ZAN: variants seen among roughly 807,000 people sequenced by gnomAD.
ZAN encodes the protein zonadhesin.
Under a neutral mutation model 286.2 loss-of-function variants are expected in ZAN, and 260 were observed. That is an observed-to-expected ratio of 0.91 (90% CI 0.82 to 1.01). The LOEUF is 1.01. Among genes scored for constraint, ZAN ranks in the 50% least tolerant of loss-of-function variants. The probability of loss-of-function intolerance (pLI) is 0.00; values close to 1 mark genes in which losing one functional copy is unlikely to be tolerated. For synonymous variants in ZAN, 1,368 were observed against 1,417.5 expected (o/e 0.97, Z 0.79); for missense variants, 3,410 against 3,639.2 (o/e 0.94, Z 1.62).
chr7:100,740,363 G>A (rs1178666627), intron 7 of ZAN, among the ~76,000 whole-genome samples: 2 of 105,676 alleles, frequency 1.9e-5, no homozygotes. Flanking sequence ...GATTTGGCAG[G>A]GTCATGGGAC....
Position 100,779,565 on chromosome 7 carries a change from G to C in ZAN, c.6437G>C (p.Arg2146Pro), listed in dbSNP as rs752612167. Reference sequence around the variant, plus strand: ...CGGGAAAAGTGCGAGGCAGCGCTCCGGGCTCCTGTGTGGGCCCAGTGCGCC... The same window carrying C: ...CGGGAAAAGTGCGAGGCAGCGCTCCCGGCTCCTGTGTGGGCCCAGTGCGCC... ...RAREKCEAAL[R>P]APVWAQCASR... is the part of the protein sequence containing the mutation. Residue 2146 changes from arginine to proline, a missense_variant, in exon 35 of 48, where the codon CGG (arginine) becomes CCG (proline). Arg to Pro is a moderately radical substitution (Grantham distance 103, BLOSUM62 -2). Transcript: ENST00000613979. 38 of 1,610,280 alleles carry C rather than the reference G, an allele frequency of 2.4e-5. No homozygotes were observed. In the South Asian group the frequency reaches 3.5e-4, roughly 15 times the overall value.
chr7:100,770,429 G>A (rs933920465), intron 28 of ZAN, among the ~76,000 whole-genome samples: 6 of 150,766 alleles, frequency 4.0e-5, no homozygotes, highest in South Asian at 4.2e-4. Flanking sequence ...GCTTTAACCT[G>A]GGAGGCAGAG....
At chr7:100,777,792 C>T (rs1810919634) in intron 34 of ZAN, among the ~76,000 whole-genome samples, 1 of 151,396 alleles carries the variant, frequency 6.6e-6, no homozygotes, top group South Asian at 2.1e-4. Flanking sequence ...GGTCTTGCCA[C>T]TTTTGCCCAG....
At chr7:100,768,199 C>T (rs892221032) in intron 26 of ZAN, among the ~76,000 whole-genome samples, 188 bp downstream of exon 26, 2 of 152,056 alleles carry the variant, frequency 1.3e-5, no homozygotes, top group Non-Finnish European at 2.9e-5. Flanking sequence ...GGGCCAGGCG[C>T]GGTGGCTCAT....
At chr7:100,760,288 G>A (rs983045647) in intron 18 of ZAN, 103 bp from the exon 19 acceptor site, 14 of 1,463,508 alleles carry the variant, frequency 9.6e-6, no homozygotes, top group Admixed American at 7.6e-5. Flanking sequence ...TTGTTAGGCC[G>A]CTGTGGATGG....
Position 100,779,662 on chromosome 7 carries a change from G to C in ZAN, c.6534G>C (p.Gln2178His), listed in dbSNP as rs1292842678. ...TCTGTGAGTTCGGAGGTCTCTACCA[G>C]GCCCTCTGCCAGGCTCTGCAAGCCT... ...NTLCEFGGLYQALCQALQAFG... is the reference protein window; with the variant it reads ...NTLCEFGGLYHALCQALQAFG... The change falls in exon 35 of 48, where the codon CAG becomes CAC. Residue 2178 changes from glutamine to histidine, a missense_variant. By Grantham distance (24) the Gln-to-His change is conservative. This residue lies in a region of ZAN where 1,289 missense variants were observed against 1,314.3 expected (regional missense o/e 0.98). Transcript: ENST00000613979. The C allele has an allele frequency of 3.8e-6, 6 of 1,576,888 alleles. No homozygotes were observed. Among genetic ancestry groups the C allele is most frequent in the African/African-American group, 2.7e-5 (2 of 74,026 alleles).
chr7:100,776,417 G>A lies in ZAN; in HGVS notation c.6193-23G>A, dbSNP rs1364585138. The A allele has an allele frequency of 7.5e-6, 12 of 1,596,532 alleles. 1 individual carries two copies. The highest frequency in any genetic ancestry group is 3.3e-4 in the Middle Eastern group (2 of 6,030). ...ACTGTTCTCGTGCTTCCCCAGCACCGAAAAACCACTCTCCCCCGCCAGGTC... is the reference window on the plus strand; with the variant it reads ...ACTGTTCTCGTGCTTCCCCAGCACCAAAAAACCACTCTCCCCCGCCAGGTC... On this transcript the variant is annotated intron_variant, in intron 33 of 47. Transcript: ENST00000613979.
chr7:100,743,619 G>A (rs572116778), intron 7 of ZAN, among the ~76,000 whole-genome samples: 156 of 152,182 alleles, frequency 1.0e-3, no homozygotes, highest in African/African-American at 3.4e-3. Context: ...GCTCATGCCT[G>A]TAATCCCAGC....
intron 7 of ZAN, among the ~76,000 whole-genome samples, chr7:100,743,764 A>G (rs758617521): frequency 3.0e-4 from 46 of 151,312 alleles, no homozygotes; most frequent in Non-Finnish European, 5.6e-4. Flanking sequence ...GTAGTCCCAG[A>G]TACTCGGGAG....
rs373730384 is a variant in ZAN, at chr7:100,747,279, CAA to C, written c.932-270_932-269del. On this transcript the variant is annotated intron_variant, in intron 8 of 47. Coordinates refer to ENST00000613979, the MANE Select transcript of ZAN (RefSeq NM_003386.3). ...GCACACGCCTGTAATCTCAGCTACT[CAA>C]GAGGCTGAGGCAGGAGAATCGCTTG... 3.4e-3 allele frequency among the ~76,000 whole-genome samples: 516 copies of C among 151,806 alleles called. 10 individuals are homozygous for C. The highest frequency in any genetic ancestry group is 4.4e-3 in the Admixed American group (67 of 15,208).
intron 14 of ZAN, 68 bp from the exon 15 acceptor site, chr7:100,755,158 G>A (rs1262651314): frequency 1.3e-6 from 2 of 1,516,156 alleles, no homozygotes; most frequent in Non-Finnish European, 1.8e-6. Context: ...TGGGGGTAGA[G>A]GAGAGACAGG....
chr7:100,766,090 G>A (rs2553023), intron 23 of ZAN, among the ~76,000 whole-genome samples: 31,564 of 151,842 alleles, frequency 0.21, 4,336 homozygotes, highest in Middle Eastern at 0.35. Context: ...AGGTTCAAGC[G>A]ATTCTCCCGC....
chr7:100,772,822 GAA>G (rs112294123), intron 29 of ZAN, among the ~76,000 whole-genome samples: 84,146 of 145,532 alleles, frequency 0.58, 25,304 homozygotes, highest in Middle Eastern at 0.76. Context: ...CTGTCTACAA[GAA>G]AAAAAAAATT....
At chr7:100,786,216 G>A (rs1811558362) in intron 37 of ZAN, 75 bp downstream of exon 37, 9 of 1,588,916 alleles carry the variant, frequency 5.7e-6, no homozygotes, top group Non-Finnish European at 6.9e-6. Flanking sequence ...GAGGCAGGGT[G>A]GGAAGGGGCT....
chr7:100,766,900 G>T, intron 24 of ZAN, 110 bp from the exon 25 acceptor site: 1 of 1,538,688 alleles, frequency 6.5e-7, no homozygotes, highest in Non-Finnish European at 8.8e-7. Flanking sequence ...CACATCTGTG[G>T]GTGGGCCGTG....
chr7:100,773,495 T>A lies in ZAN; in HGVS notation c.5634+2T>A, dbSNP rs775220824. ...GACCCAGCGGGCTCCTACCACCCGG[T>A]GAGAGGCCAGCTAGGAGGGGCCCCG... On this transcript the variant is annotated splice_donor_variant, in intron 30 of 47. Coordinates refer to ENST00000613979, the MANE Select transcript of ZAN (RefSeq NM_003386.3). LOFTEE classifies it high-confidence loss of function. 1.1e-5 allele frequency: 17 copies of A among 1,612,798 alleles called. No individual in the cohort carries two copies. The highest frequency in any genetic ancestry group is 1.3e-5 in the Non-Finnish European group (15 of 1,179,626).
Position 100,751,185 on chromosome 7 carries a change from A to G in ZAN, c.1525A>G (p.Ile509Val). The part of the protein sequence containing the change: ...PSGHQQPMQL[I>V]FKGIQGSNTA... ...CTCTCTCCCTTGTCGCCTTTAGCTT[A>G]TTTTCAAGGGCATCCAGGGAAGCAA... Residue 509 changes from isoleucine (I) to valine (V), a missense_variant, in exon 13 of 48, where the codon ATT becomes GTT. Ile to Val is a conservative substitution (Grantham distance 29, BLOSUM62 3). Transcript: ENST00000613979. 1 of 1,604,146 alleles carries G rather than the reference A, an allele frequency of 6.2e-7. No homozygotes were observed. The highest frequency in any genetic ancestry group is 8.5e-7 in the Non-Finnish European group (1 of 1,176,372).
intron 34 of ZAN, among the ~76,000 whole-genome samples, chr7:100,777,581 T>G (rs1810906325): frequency 6.6e-6 from 1 of 151,782 alleles, no homozygotes; most frequent in African/African-American, 2.4e-5. Context: ...AGGCTGGCCT[T>G]GAACTCCTGA....
chr7:100,764,240 C>A, intron 22 of ZAN, 44 bp downstream of exon 22: 1 of 1,468,272 alleles, frequency 6.8e-7, no homozygotes, highest in Non-Finnish European at 9.0e-7. Context: ...CACGGTGGCT[C>A]ACACCTATAA....
Sources: gnomAD v4.1 joint callset for allele counts (sites outside exome capture counted in the v4.1 genomes callset) on GRCh38, gnomAD v4.1.1 for gene constraint, gnomAD v4.1.1 regional missense constraint, MANE v1.5 for transcripts, NCBI Gene and HGNC (gene_info 2026-07-23, HGNC 2026-07-21) for gene names.